Variants in COL4A6 observed in about 807,000 individuals in gnomAD.
COL4A6 encodes collagen type IV alpha 6 chain, also known as collagen alpha-6(IV) chain.
Under a neutral mutation model 126.7 loss-of-function variants are expected in COL4A6, and 59 were observed. The ratio of observed to expected loss-of-function variants is 0.47; its 90% CI spans 0.38 to 0.58. The LOEUF (loss-of-function observed/expected upper bound fraction) is 0.58, where lower values mean the gene tolerates loss of function less well. COL4A6 is among the 20% of genes least tolerant of loss of function. The pLI is 0.00. For synonymous variants in COL4A6, 547 were observed against 496.6 expected, an observed-to-expected ratio of 1.10 and a Z score of -1.35; for missense variants, 1,285 against 1,337.3, an observed-to-expected ratio of 0.96 and a Z score of 0.61.
chrX:108,185,112 C>T (rs1375707460), intron 23 of COL4A6, among the ~76,000 whole-genome samples: 1 of 111,524 alleles, frequency 9.0e-6, no homozygotes, highest in Non-Finnish European at 1.9e-5. Context: ...ATCCTTATGG[C>T]CAGGAGCAGT....
chrX:108,300,724 C>CGTGTGTGTGTGTGTGT (rs58203884), intron 3 of COL4A6, among the ~76,000 whole-genome samples: 1,761 of 92,348 alleles, frequency 0.019, 38 homozygotes, highest in East Asian at 0.073. Flanking sequence ...CAAACATTGG[C>CGTGTGTGTGTGTGTGT]GTGTGTGTGT....
At chrX:108,326,605 T>G (rs1395493881) in intron 2 of COL4A6, among the ~76,000 whole-genome samples, 2 of 112,221 alleles carry the variant, frequency 1.8e-5, no homozygotes, top group Admixed American at 9.4e-5. Flanking sequence ...AAAGTATGAA[T>G]GAAACAGAAT....
At chrX:108,342,515 T>C (rs1310162378) in intron 2 of COL4A6, among the ~76,000 whole-genome samples, 1 of 111,381 alleles carries the variant, frequency 9.0e-6, no homozygotes, top group Non-Finnish European at 1.9e-5. Flanking sequence ...AAGGGCCAGG[T>C]AACCTTCCTC....
chrX:108,204,636 T>C (rs2035491971), intron 11 of COL4A6: 1 of 476,174 alleles, frequency 2.1e-6, no homozygotes, highest in Admixed American at 3.0e-5. Context: ...AAGAGCAAGA[T>C]GGATAGAAGG....
intron 3 of COL4A6, among the ~76,000 whole-genome samples, chrX:108,310,008 T>A (rs935893394): frequency 1.8e-5 from 2 of 111,441 alleles, no homozygotes; most frequent in Non-Finnish European, 3.8e-5. Flanking sequence ...GTGTCTAATT[T>A]TTTTTTCAGA....
chrX:108,164,487 T>C, intron 40 of COL4A6, 113 bp downstream of exon 40: 3 of 693,455 alleles, frequency 4.3e-6, no homozygotes, highest in Admixed American at 2.5e-5. Context: ...TTGATCCAGC[T>C]GTTTTAGACA....
chrX:108,272,125 C>T (rs1183705640), intron 3 of COL4A6, among the ~76,000 whole-genome samples: 1 of 111,447 alleles, frequency 9.0e-6, no homozygotes, highest in Non-Finnish European at 1.9e-5. Flanking sequence ...TGTCCTGCCC[C>T]TCTCTGTTTC....
At chrX:108,228,374 A>T (rs1389273789) in intron 3 of COL4A6, among the ~76,000 whole-genome samples, 1 of 112,348 alleles carries the variant, frequency 8.9e-6, no homozygotes, top group Admixed American at 9.4e-5. Flanking sequence ...AACACTTTTC[A>T]TCTCATGCTG....
At chrX:108,416,246 T>C (rs1341534676) in intron 2 of COL4A6, among the ~76,000 whole-genome samples, 2 of 111,799 alleles carry the variant, frequency 1.8e-5, no homozygotes, top group African/African-American at 3.2e-5. Context: ...CTCAGGTTTC[T>C]CATTTGCAAA....
chrX:108,420,844 T>A (rs1229907820), intron 2 of COL4A6, among the ~76,000 whole-genome samples: 1 of 111,304 alleles, frequency 9.0e-6, no homozygotes, highest in Non-Finnish European at 1.9e-5. Flanking sequence ...TTCATAATAG[T>A]GTTGACGCTT....
rs1191993423 is a variant in COL4A6, at chrX:108,170,089, G to GC, written c.3494-74dup. 1.7e-5 allele frequency: 15 copies of GC among 866,007 alleles called. 1 individual carries two copies. The highest frequency in any genetic ancestry group is 1.8e-5 in the Non-Finnish European group (11 of 603,711). The allele number at this position is 866,007 out of a possible 1,213,427, so 71.4% of individuals were successfully genotyped here. ...AAGCATCAGCAAGAGGTAGCTACCTGCCCCCAAAGGCATTGCGAGGTCCTT... is the reference window on the plus strand; with the variant it reads ...AAGCATCAGCAAGAGGTAGCTACCTGCCCCCCAAAGGCATTGCGAGGTCCTT... On this transcript the variant is annotated intron_variant, in intron 35 of 44. Transcript: ENST00000334504.
At chrX:108,196,632 C>T in intron 13 of COL4A6, 53 bp from the exon 14 acceptor site, 1 of 1,020,034 alleles carries the variant, frequency 9.8e-7, no homozygotes, top group Non-Finnish European at 1.3e-6. Flanking sequence ...TGTCGGTCTC[C>T]TGGCTTCATC....
chrX:108,333,066 C>G (rs2039345220), intron 2 of COL4A6, among the ~76,000 whole-genome samples: 1 of 110,802 alleles, frequency 9.0e-6, no homozygotes, highest in African/African-American at 3.3e-5. Flanking sequence ...ATTTTTCCAG[C>G]CTTATTTATT....
intron 2 of COL4A6, among the ~76,000 whole-genome samples, chrX:108,375,969 C>T (rs1237128277): frequency 9.0e-6 from 1 of 111,524 alleles, no homozygotes; most frequent in Non-Finnish European, 1.9e-5. Flanking sequence ...TCTACATAAA[C>T]AAAGATATTA....
chrX:108,277,750 G>A (rs753833501), intron 3 of COL4A6, among the ~76,000 whole-genome samples: 86 of 111,942 alleles, frequency 7.7e-4, no homozygotes, highest in Non-Finnish European at 1.4e-3. Flanking sequence ...CCCAGCAGGG[G>A]CAGACTGACA....
At chrX:108,253,580 C>G (rs917437589) in intron 3 of COL4A6, among the ~76,000 whole-genome samples, 1 of 111,953 alleles carries the variant, frequency 8.9e-6, no homozygotes, top group Non-Finnish European at 1.9e-5. Context: ...TGTATCCATA[C>G]AGCCCAGTTA....
chrX:108,343,161 ATATAGT>A (rs1209865747), intron 2 of COL4A6, among the ~76,000 whole-genome samples: 749 of 55,501 alleles, frequency 0.013, 4 homozygotes, highest in Non-Finnish European at 0.019. Context: ...ATATATATAT[ATATAGT>A]GTGTGTGTGT....
At chrX:108,162,639 T>C (rs1487143003) in intron 41 of COL4A6, among the ~76,000 whole-genome samples, 8 of 111,050 alleles carry the variant, frequency 7.2e-5, no homozygotes, top group Admixed American at 6.6e-4. Context: ...CTGCAGCACA[T>C]TAGAGAGGGG....
chrX:108,405,727 A>G (rs1469290834), intron 2 of COL4A6, among the ~76,000 whole-genome samples: 2 of 110,780 alleles, frequency 1.8e-5, no homozygotes, highest in African/African-American at 3.3e-5. Flanking sequence ...CCAAACCTCT[A>G]CCAAGAACTA....
Sources: allele counts gnomAD v4.1 joint callset (sites outside exome capture counted in the v4.1 genomes callset), GRCh38; gene constraint gnomAD v4.1.1; transcripts MANE v1.5; gene names NCBI Gene and HGNC (gene_info 2026-07-23, HGNC 2026-07-21).